The following MNS1 variants were observed in gnomAD, a reference collection of about 807,000 sequenced individuals.
MNS1 encodes meiosis-specific nuclear structural protein 1.
In MNS1, 63 loss-of-function variants were observed where a neutral mutation model predicts 72.0. The ratio of observed to expected loss-of-function variants is 0.87; its 90% confidence interval spans 0.71 to 1.08. The LOEUF (loss-of-function observed/expected upper bound fraction) is 1.08. Ranked by LOEUF, MNS1 falls within the 50% of genes least tolerant of loss-of-function variation. MNS1 has a pLI of 0.00. For missense variants in MNS1, 604 were observed against 562.4 expected (o/e 1.07, Z -0.75); for synonymous variants, 188 against 172.1 (o/e 1.09, Z -0.72).
At chr15:56,461,236 A>G (rs1829390578) in intron 2 of MNS1, among the ~76,000 whole-genome samples, 1 of 152,178 alleles carries the variant, frequency 6.6e-6, no homozygotes, top group South Asian at 2.1e-4. Context: ...AAACACCGAG[A>G]ATGATGTTTT....
chr15:56,462,822 A>G (rs2051031906), intron 2 of MNS1, among the ~76,000 whole-genome samples: 2 of 152,230 alleles, frequency 1.3e-5, no homozygotes, highest in Non-Finnish European at 2.9e-5. Flanking sequence ...GTAAGAAAAC[A>G]TCCATATTTT....
At chr15:56,437,601 G>A (rs1484371344) in intron 7 of MNS1, among the ~76,000 whole-genome samples, 1 of 152,134 alleles carries the variant, frequency 6.6e-6, no homozygotes, top group Non-Finnish European at 1.5e-5. Context: ...ACATAGTGTT[G>A]GAAGTTCTGG....
At chr15:56,454,200 ACTTT>A (rs1323370525) in intron 3 of MNS1, among the ~76,000 whole-genome samples, 1 of 152,162 alleles carries the variant, frequency 6.6e-6, no homozygotes, top group Non-Finnish European at 1.5e-5. Context: ...ATACTCAAGC[ACTTT>A]CTTCCTTTTA....
chr15:56,464,851 A>G, intron 1 of MNS1, 119 bp downstream of exon 1: 1 of 1,418,554 alleles, frequency 7.0e-7, no homozygotes, highest in Non-Finnish European at 9.7e-7. Context: ...AAGCAAATAC[A>G]AGTTCCCCAA....
rs17819473 is a variant in MNS1, at chr15:56,443,626, T to C, written c.903+12A>G. 83,352 of 1,607,312 alleles carry C rather than the reference T, an allele frequency of 0.052. 2,730 individuals are homozygous for C. Among genetic ancestry groups the C allele is most frequent in the Admixed American group, 0.12 (7,265 of 59,150 alleles). ...AATTTTACTAGTGTTAAAGAAGTGG[T>C]TATTTTAATACCGCATTCTGAAGCT... On this transcript the variant is annotated intron_variant, in intron 6 of 9. Coordinates refer to ENST00000260453, the MANE Select transcript of MNS1 (RefSeq NM_018365.4).
intron 2 of MNS1, among the ~76,000 whole-genome samples, chr15:56,457,034 T>C (rs2050985958): frequency 6.6e-6 from 1 of 152,202 alleles, no homozygotes; most frequent in Admixed American, 6.5e-5. Context: ...CATACTTTTC[T>C]AGTTGGTTTG....
chr15:56,434,124 C>CA lies in MNS1; in HGVS notation c.1269+13dup. ...AATGATAATGACCAAAAAAACCCCA[C>CA]AACTTTTTCTTACTTTGTCTGCAAG... On this transcript the variant is annotated intron_variant, in intron 8 of 9. Transcript: ENST00000260453. 1 of 1,604,878 alleles carries CA rather than the reference C, an allele frequency of 6.2e-7. No individual in the cohort carries two copies. Among genetic ancestry groups the CA allele is most frequent in the Non-Finnish European group, 8.5e-7 (1 of 1,176,474 alleles).
intron 3 of MNS1, among the ~76,000 whole-genome samples, chr15:56,452,663 C>T (rs979701382): frequency 2.3e-4 from 35 of 151,790 alleles, no homozygotes; most frequent in Admixed American, 3.9e-4. Flanking sequence ...GGACTACAGG[C>T]GTGTGCCACC....
At chr15:56,430,762 G>A (rs1045726401) in intron 9 of MNS1, among the ~76,000 whole-genome samples, 4 of 152,064 alleles carry the variant, frequency 2.6e-5, no homozygotes. Flanking sequence ...CCTATTACTG[G>A]TGTTACCAGT....
chr15:56,437,001 C>T (rs2050737338), intron 7 of MNS1, among the ~76,000 whole-genome samples: 1 of 152,152 alleles, frequency 6.6e-6, no homozygotes, highest in South Asian at 2.1e-4. Context: ...CAGATGGATT[C>T]ACAGCCGAAT....
intron 4 of MNS1, 43 bp from the exon 5 acceptor site, chr15:56,444,716 A>G: frequency 1.4e-6 from 2 of 1,462,744 alleles, no homozygotes; most frequent in Middle Eastern, 3.5e-4. Flanking sequence ...TCAAATTTGA[A>G]CATAGTACGA....
At chr15:56,459,794 G>A (rs763270713) in intron 2 of MNS1, among the ~76,000 whole-genome samples, 2 of 150,580 alleles carry the variant, frequency 1.3e-5, no homozygotes, top group Admixed American at 6.7e-5. Context: ...AGTTGGAGAC[G>A]AGCCTGACCA....
chr15:56,452,037 A>G (rs973520294), intron 3 of MNS1, among the ~76,000 whole-genome samples: 5 of 152,170 alleles, frequency 3.3e-5, no homozygotes, highest in Admixed American at 3.3e-4. Context: ...AACTACTAAT[A>G]TAATTGGGTT....
chr15:56,442,173 C>G lies in MNS1; in HGVS notation c.1011+1257G>C, dbSNP rs190991195. On this transcript the variant is annotated intron_variant, in intron 7 of 9. Coordinates refer to ENST00000260453, the MANE Select transcript of MNS1 (RefSeq NM_018365.4). ...ATCATTAGAGAAATGCAAACCAAAA[C>G]CACAATGAGATACTATCTCACATCA... 2.0e-5 allele frequency among the ~76,000 whole-genome samples: 3 copies of G among 152,016 alleles called. No homozygotes were observed. In the East Asian group the frequency reaches 5.8e-4, roughly 29 times the overall value.
intron 9 of MNS1, among the ~76,000 whole-genome samples, chr15:56,430,541 G>C (rs62023867): frequency 6.6e-6 from 1 of 152,050 alleles, no homozygotes; most frequent in Non-Finnish European, 1.5e-5. Flanking sequence ...GTGTGTCTCA[G>C]GTATACATTA....
chr15:56,443,674 T>TAA lies in MNS1; in HGVS notation c.866_867insTT (p.Gln289HisfsTer2), dbSNP rs759930275. ...GCTGTAGCCTTTTCTCCTCATTTTC[T>TAA]TGAACTTTTGCCATCCGATCTTCTT... On this transcript the variant is annotated frameshift_variant, in exon 6 of 10. Coordinates refer to ENST00000260453, the MANE Select transcript of MNS1 (RefSeq NM_018365.4). LOFTEE classifies it high-confidence loss of function. 3.7e-6 allele frequency: 6 copies of TAA among 1,613,302 alleles called. No individual in the cohort carries two copies. Among genetic ancestry groups the TAA allele is most frequent in the South Asian group, 3.3e-5 (3 of 90,926 alleles).
intron 3 of MNS1, among the ~76,000 whole-genome samples, chr15:56,450,610 T>C (rs2050941091): frequency 6.6e-6 from 1 of 152,226 alleles, no homozygotes; most frequent in Non-Finnish European, 1.5e-5. Flanking sequence ...AACTGAAGGA[T>C]ATTGTATAAT....
chr15:56,456,960 A>G (rs1222112064), intron 2 of MNS1, among the ~76,000 whole-genome samples: 1 of 152,186 alleles, frequency 6.6e-6, no homozygotes, highest in Non-Finnish European at 1.5e-5. Context: ...CAACACGTCT[A>G]ATTAACAATA....
intron 2 of MNS1, among the ~76,000 whole-genome samples, chr15:56,460,013 C>CATATATATATATATATATATATAT (rs367624285): frequency 2.9e-5 from 1 of 34,628 alleles, no homozygotes; most frequent in African/African-American, 1.1e-4. Flanking sequence ...AAAAAAAATA[C>CATATATATATATATATATATATAT]ATATATATAT....
Sources: allele counts gnomAD v4.1 joint callset (sites outside exome capture counted in the v4.1 genomes callset), GRCh38; gene constraint gnomAD v4.1.1; transcripts MANE v1.5; gene names NCBI Gene and HGNC (gene_info 2026-07-23, HGNC 2026-07-21).